Variants in CADM2 observed in about 807,000 individuals in gnomAD.
CADM2 encodes the protein cell adhesion molecule 2.
Under a neutral mutation model 49.8 loss-of-function variants are expected in CADM2, and 12 were observed. The observed-to-expected ratio is 0.24, with a 90% CI of 0.15 to 0.39. The LOEUF (loss-of-function observed/expected upper bound fraction) is 0.39. Among genes scored for constraint, CADM2 ranks in the 10% least tolerant of loss-of-function variants. CADM2 has a pLI of 1.00. For missense variants in CADM2, 378 were observed against 492.3 expected, an observed-to-expected ratio of 0.77 and a Z score of 2.20; for synonymous variants, 214 against 175.4, an observed-to-expected ratio of 1.22 and a Z score of -1.74.
intron 1 of CADM2, among the ~76,000 whole-genome samples, chr3:85,558,429 A>G (rs1271517162): frequency 6.6e-6 from 1 of 151,952 alleles, no homozygotes. Flanking sequence ...GATTTTTTCA[A>G]AATGGCTTTC....
chr3:85,183,074 C>T (rs1014697066), intron 1 of CADM2, among the ~76,000 whole-genome samples: 6 of 152,170 alleles, frequency 3.9e-5, no homozygotes, highest in African/African-American at 1.4e-4. Flanking sequence ...ACAAGATGCC[C>T]TCTGAATCTC....
At position 84,983,156 on chromosome 3, in the gene CADM2, C is replaced by G. The variant is rs562399087; in HGVS notation, c.61+23488C>G. Among the ~76,000 whole-genome samples the G allele has an allele frequency of 4.7e-4, 71 of 152,148 alleles. 1 individual carries two copies. Among genetic ancestry groups the G allele is most frequent in the African/African-American group, 1.7e-3 (70 of 41,508 alleles). On this transcript the variant is annotated intron_variant, in intron 1 of 9. Transcript: ENST00000383699. ...ATATATCCTATTTGAATATTAAAGG[C>G]TGGATATTTCATTTTGCAATGTATC...
intron 8 of CADM2, among the ~76,000 whole-genome samples, chr3:86,041,569 C>T (rs560145008): frequency 6.6e-6 from 1 of 152,216 alleles, no homozygotes; most frequent in Admixed American, 6.5e-5. Context: ...TAGGAGCACC[C>T]AGATTCATAA....
chr3:85,274,936 CG>C (rs566183188), intron 1 of CADM2, among the ~76,000 whole-genome samples: 171 of 150,988 alleles, frequency 1.1e-3, no homozygotes, highest in Non-Finnish European at 2.2e-3. Flanking sequence ...TGTGTGTACA[CG>C]AGAGTCAAAG....
intron 1 of CADM2, among the ~76,000 whole-genome samples, chr3:85,526,941 T>C (rs60427790): frequency 0.51 from 78,291 of 152,124 alleles, 23,131 homozygotes; most frequent in East Asian, 0.85. Context: ...AGTTTTAATC[T>C]GTGATTTTTT....
In CADM2 at chr3:85,886,164, C is replaced by A. The variant is rs76986380; in HGVS notation, c.392-26C>A. On this transcript the variant is annotated intron_variant, in intron 4 of 9. Transcript: ENST00000383699. The stretch of plus-strand genomic sequence containing the variant: ...CAAATCAACCCTGAAGATTGATGCT[C>A]ACTTCATCATTCGCTTAAATTTCAG... 793 of 1,610,260 alleles carry A rather than the reference C, an allele frequency of 4.9e-4. 4 individuals are homozygous for A. The African/African-American group carries it at 9.7e-3, about 20-fold the overall frequency.
intron 1 of CADM2, 143 bp downstream of exon 1, chr3:84,959,811 G>T: frequency 1.3e-6 from 1 of 767,514 alleles, no homozygotes; most frequent in Non-Finnish European, 2.2e-6. Context: ...TGGTGCGGCA[G>T]GGGGCAGTGG....
chr3:85,142,518 A>AT (rs1319048805), intron 1 of CADM2, among the ~76,000 whole-genome samples: 1 of 152,126 alleles, frequency 6.6e-6, no homozygotes, highest in Non-Finnish European at 1.5e-5. Context: ...CTCCATCCTC[A>AT]TTGCTTACAA....
chr3:85,061,133 A>T (rs979771608), intron 1 of CADM2, among the ~76,000 whole-genome samples: 6 of 152,174 alleles, frequency 3.9e-5, no homozygotes, highest in African/African-American at 1.4e-4. Flanking sequence ...TTTCCTTGTG[A>T]CTTTCATAGC....
chr3:86,043,188 C>G (rs1041657466), intron 8 of CADM2, among the ~76,000 whole-genome samples: 6 of 152,178 alleles, frequency 3.9e-5, no homozygotes, highest in Non-Finnish European at 5.9e-5. Flanking sequence ...GATGCCTTCT[C>G]TCACCACTCC....
rs1296236085 is a variant in CADM2, at chr3:85,961,599, A to G, written c.922A>G (p.Thr308Ala). The change falls in exon 8 of 10, where the codon ACA becomes GCA. Residue 308 changes from threonine to alanine, a missense_variant. Transcript: ENST00000383699. ...TAATGGTACATATCGATGTGAAGCCACAAACACCATTGGCCAAAGCAGTGC... is the reference window on the plus strand; with the variant it reads ...TAATGGTACATATCGATGTGAAGCCGCAAACACCATTGGCCAAAGCAGTGC... The part of the protein sequence containing the change: ...TDNGTYRCEA[T>A]NTIGQSSAEY... The G allele has an allele frequency of 1.9e-6, 3 of 1,606,062 alleles. No individual in the cohort carries two copies.
At chr3:85,197,539 T>C (rs1256033437) in intron 1 of CADM2, among the ~76,000 whole-genome samples, 2 of 151,880 alleles carry the variant, frequency 1.3e-5, no homozygotes, top group African/African-American at 4.8e-5. Context: ...AGAAGTTAGG[T>C]TGCTTTTCTA....
At chr3:85,174,323 G>A (rs999978607) in intron 1 of CADM2, among the ~76,000 whole-genome samples, 1 of 152,020 alleles carries the variant, frequency 6.6e-6, no homozygotes, top group Admixed American at 6.6e-5. Context: ...TAAATTGTCA[G>A]GTTTGTTATG....
At chr3:85,392,700 C>A (rs1182629772) in intron 1 of CADM2, among the ~76,000 whole-genome samples, 1 of 152,126 alleles carries the variant, frequency 6.6e-6, no homozygotes, top group East Asian at 1.9e-4. Flanking sequence ...TTTCTGGACT[C>A]AAAATTCTAT....
At chr3:85,335,056 A>T (rs1427796663) in intron 1 of CADM2, among the ~76,000 whole-genome samples, 1 of 151,516 alleles carries the variant, frequency 6.6e-6, no homozygotes, top group Non-Finnish European at 1.5e-5. Context: ...ATATACTAAA[A>T]AAAAAGATAC....
chr3:85,984,536 A>C (rs1367810258), intron 8 of CADM2, among the ~76,000 whole-genome samples: 1 of 151,780 alleles, frequency 6.6e-6, no homozygotes, highest in African/African-American at 2.4e-5. Context: ...TTATAACTGA[A>C]CTTTTATACT....
intron 1 of CADM2, among the ~76,000 whole-genome samples, chr3:85,344,380 A>AAAT (rs2030326652): frequency 2.3e-4 from 32 of 140,340 alleles, no homozygotes; most frequent in Non-Finnish European, 1.2e-4. Flanking sequence ...ACACCATCTC[A>AAAT]AAATAAATAA....
intron 3 of CADM2, among the ~76,000 whole-genome samples, chr3:85,827,393 T>C (rs1337189608): frequency 1.3e-5 from 2 of 151,898 alleles, no homozygotes; most frequent in African/African-American, 4.8e-5. Flanking sequence ...CAGGTGCTTG[T>C]AGTAATGTAT....
At chr3:85,695,127 A>AAATATT (rs2066510902) in intron 1 of CADM2, among the ~76,000 whole-genome samples, 1 of 152,130 alleles carries the variant, frequency 6.6e-6, no homozygotes, top group African/African-American at 2.4e-5. Context: ...ATAATGACTT[A>AAATATT]AATATTTATT....
Sources: gnomAD v4.1 joint callset for allele counts (sites outside exome capture counted in the v4.1 genomes callset) on GRCh38, gnomAD v4.1.1 for gene constraint, MANE v1.5 for transcripts, NCBI Gene and HGNC (gene_info 2026-07-23, HGNC 2026-07-21) for gene names.